Variants in CCSER1 observed in about 807,000 individuals in gnomAD.
The protein encoded by CCSER1 is coiled-coil serine rich protein 1, also known as serine-rich coiled-coil domain-containing protein 1.
A neutral mutation model predicts 82.0 loss-of-function variants in CCSER1; 41 were observed. The observed-to-expected ratio is 0.50, with a 90% CI of 0.39 to 0.65. The LOEUF is 0.65. CCSER1 is among the 30% of genes least tolerant of loss of function. The probability of loss-of-function intolerance (pLI) is 0.00; values close to 1 mark genes in which losing one functional copy is unlikely to be tolerated. For missense variants in CCSER1, 1,119 were observed against 1,064.2 expected, an observed-to-expected ratio of 1.05 and a Z score of -0.72; for synonymous variants, 414 against 383.9, an observed-to-expected ratio of 1.08 and a Z score of -0.92.
At chr4:90,908,333 GA>G (rs1725806847) in intron 8 of CCSER1, among the ~76,000 whole-genome samples, 1 of 152,026 alleles carries the variant, frequency 6.6e-6, no homozygotes, top group African/African-American at 2.4e-5. Context: ...ATCCATTCAA[GA>G]AACTGAAAGA....
chr4:90,157,906 G>A (rs1023567518), intron 1 of CCSER1, among the ~76,000 whole-genome samples: 7 of 152,150 alleles, frequency 4.6e-5, no homozygotes, highest in South Asian at 4.1e-4. Flanking sequence ...GCTTTGTTCC[G>A]TTGCTGGTGA....
At chr4:90,297,487 C>T (rs1341856723) in intron 1 of CCSER1, among the ~76,000 whole-genome samples, 2 of 151,462 alleles carry the variant, frequency 1.3e-5, no homozygotes, top group Non-Finnish European at 2.9e-5. Flanking sequence ...CCCTTTATTT[C>T]CTTCTCCTGC....
At chr4:90,242,034 C>G (rs1215197532) in intron 1 of CCSER1, among the ~76,000 whole-genome samples, 1 of 152,172 alleles carries the variant, frequency 6.6e-6, no homozygotes, top group Admixed American at 6.5e-5. Context: ...AGGCTGGGCG[C>G]AGTGGCTCCC....
chr4:91,541,979 C>T lies in CCSER1; in HGVS notation c.2218-56593C>T, dbSNP rs189032427. The stretch of plus-strand genomic sequence containing the variant: ...TGATTTGCATTTCTCTGATGGCCAG[C>T]GATGATGAGCATTTTTTCATGTGTC... On this transcript the variant is annotated intron_variant, in intron 10 of 10. Transcript: ENST00000509176. Among the ~76,000 whole-genome samples the T allele has an allele frequency of 3.4e-4, 51 of 152,096 alleles. No individual in the cohort carries two copies. In the East Asian group the frequency reaches 7.3e-3, roughly 22 times the overall value.
At chr4:90,637,664 C>T (rs897576928) in intron 6 of CCSER1, among the ~76,000 whole-genome samples, 1 of 152,134 alleles carries the variant, frequency 6.6e-6, no homozygotes, top group East Asian at 1.9e-4. Flanking sequence ...TTAAACACAG[C>T]AACTCAAGTA....
chr4:90,394,849 T>C (rs1751734813), intron 3 of CCSER1, among the ~76,000 whole-genome samples: 1 of 152,216 alleles, frequency 6.6e-6, no homozygotes, highest in Non-Finnish European at 1.5e-5. Context: ...ATGATTTTGA[T>C]ATATGTGTAC....
intron 8 of CCSER1, among the ~76,000 whole-genome samples, chr4:90,919,105 A>G (rs1169918056): frequency 1.3e-5 from 2 of 151,022 alleles, no homozygotes; most frequent in African/African-American, 4.8e-5. Flanking sequence ...AAAAAAAAAA[A>G]AAAAAAAAGG....
intron 10 of CCSER1, among the ~76,000 whole-genome samples, chr4:91,558,346 T>C (rs1762499712): frequency 6.6e-6 from 1 of 151,680 alleles, no homozygotes; most frequent in African/African-American, 2.4e-5. Flanking sequence ...GTATTGTTTT[T>C]TGATAATTAT....
intron 7 of CCSER1, among the ~76,000 whole-genome samples, chr4:90,748,917 AT>A (rs1748048027): frequency 6.6e-6 from 1 of 150,820 alleles, no homozygotes; most frequent in Admixed American, 6.6e-5. Context: ...GTTTAAGTTA[AT>A]TGTAGATTCT....
chr4:90,529,845 G>A (rs568156779), intron 5 of CCSER1, among the ~76,000 whole-genome samples: 6 of 151,766 alleles, frequency 4.0e-5, no homozygotes, highest in South Asian at 2.1e-4. Flanking sequence ...TTTAGGGAAC[G>A]TTGCTCTATT....
chr4:91,016,052 T>G (rs1739404642), intron 9 of CCSER1, among the ~76,000 whole-genome samples: 1 of 152,034 alleles, frequency 6.6e-6, no homozygotes, highest in South Asian at 2.1e-4. Flanking sequence ...TCACGAGTTC[T>G]CTGTCTACAT....
At chr4:90,395,598 A>G (rs1285111909) in intron 3 of CCSER1, among the ~76,000 whole-genome samples, 2 of 150,528 alleles carry the variant, frequency 1.3e-5, no homozygotes, top group Non-Finnish European at 2.9e-5. Flanking sequence ...CAAACCCACC[A>G]TACTGGCCAT....
At chr4:90,607,385 A>G (rs1784866191) in intron 5 of CCSER1, among the ~76,000 whole-genome samples, 1 of 152,156 alleles carries the variant, frequency 6.6e-6, no homozygotes, top group Non-Finnish European at 1.5e-5. Context: ...ATTATCACAA[A>G]CTGGGTGGCT....
intron 10 of CCSER1, among the ~76,000 whole-genome samples, chr4:91,485,858 A>T (rs1057397525): frequency 6.6e-6 from 1 of 152,156 alleles, no homozygotes; most frequent in African/African-American, 2.4e-5. Flanking sequence ...AAATATGAAG[A>T]TCATTGCATA....
In CCSER1 at chr4:90,320,134, G is replaced by A. The variant is rs376777368; in HGVS notation, c.1509+7087G>A. On this transcript the variant is annotated intron_variant, in intron 3 of 10. Transcript: ENST00000509176. ...TCATTTTACCTGAAAGGTTTCAATCGTTTAAATGGAAGGAGCTGTGTATAT... is the reference window on the plus strand; with the variant it reads ...TCATTTTACCTGAAAGGTTTCAATCATTTAAATGGAAGGAGCTGTGTATAT... Among the ~76,000 whole-genome samples, 7 of 152,230 alleles carry A rather than the reference G, an allele frequency of 4.6e-5. No homozygotes were observed. The East Asian group carries it at 7.7e-4, about 17-fold the overall frequency.
At chr4:90,573,206 G>A (rs980708565) in intron 5 of CCSER1, among the ~76,000 whole-genome samples, 3 of 152,240 alleles carry the variant, frequency 2.0e-5, no homozygotes, top group African/African-American at 7.2e-5. Flanking sequence ...ACAGTGCTGG[G>A]ATGTGCCTGA....
chr4:91,517,782 G>A (rs1040163157), intron 10 of CCSER1, among the ~76,000 whole-genome samples: 1 of 129,366 alleles, frequency 7.7e-6, no homozygotes, highest in Non-Finnish European at 1.8e-5. Flanking sequence ...GTGTGTGTGT[G>A]TGTTTAACTT....
chr4:91,268,735 A>T (rs1741803681), intron 10 of CCSER1, among the ~76,000 whole-genome samples: 1 of 152,156 alleles, frequency 6.6e-6, no homozygotes, highest in Non-Finnish European at 1.5e-5. Context: ...TTTCTCTTAC[A>T]GGCAGGGGCG....
chr4:90,370,365 A>G (rs12642565), intron 3 of CCSER1: 53,877 of 151,912 alleles, frequency 0.35, 10,145 homozygotes, highest in South Asian at 0.45. Flanking sequence ...GTCCATAAAA[A>G]GTATGCTGAT....
Sources: gnomAD v4.1 joint callset for allele counts (sites outside exome capture counted in the v4.1 genomes callset) on GRCh38, gnomAD v4.1.1 for gene constraint, MANE v1.5 for transcripts, NCBI Gene and HGNC (gene_info 2026-07-23, HGNC 2026-07-21) for gene names.